Variants in TNKS observed in about 807,000 individuals in gnomAD.
TNKS encodes tankyrase.
TNKS carries 72 observed loss-of-function variants against 135.8 expected under a neutral mutation model. That is an observed-to-expected ratio of 0.53 (90% CI 0.44 to 0.64). TNKS has a LOEUF of 0.64. Among genes scored for constraint, TNKS ranks in the 30% least tolerant of loss-of-function variants. The probability of loss-of-function intolerance (pLI) is 0.00; values close to 1 mark genes in which losing one functional copy is unlikely to be tolerated. For synonymous variants in TNKS, 849 were observed against 649.3 expected (o/e 1.31, Z -4.68); for missense variants, 1,769 against 1,674.0 (o/e 1.06, Z -0.99).
In TNKS at chr8:9,615,633, C is replaced by G. The variant is rs1455139918; in HGVS notation, c.950C>G (p.Ser317Ter). ...DPNIRNTDGKSALDLADPSAK... is the reference protein window; with the variant it reads ...DPNIRNTDGK ...AACATTCGGAACACTGATGGGAAATCAGCCCTGGACCTGGCAGATCCTTCA... is the reference window on the plus strand; with the variant it reads ...AACATTCGGAACACTGATGGGAAATGAGCCCTGGACCTGGCAGATCCTTCA... Residue 317 changes from serine to a stop codon, truncating the protein, a stop_gained, in exon 3 of 27, where the codon TCA becomes TGA. Coordinates refer to ENST00000310430, the MANE Select transcript of TNKS (RefSeq NM_003747.3). LOFTEE classifies it high-confidence loss of function. 2.5e-6 allele frequency: 4 copies of G among 1,613,648 alleles called. No homozygotes were observed. The highest frequency in any genetic ancestry group is 2.5e-6 in the Non-Finnish European group (3 of 1,179,832).
intron 20 of TNKS, among the ~76,000 whole-genome samples, chr8:9,761,252 T>C (rs1324452385): frequency 1.3e-5 from 2 of 152,212 alleles, no homozygotes; most frequent in African/African-American, 4.8e-5. Context: ...AATATAGTGA[T>C]GATCATTTTG....
intron 3 of TNKS, among the ~76,000 whole-genome samples, chr8:9,644,903 A>G (rs1800860366): frequency 6.6e-6 from 1 of 152,158 alleles, no homozygotes; most frequent in Non-Finnish European, 1.5e-5. Flanking sequence ...TCAGCAGTTT[A>G]TTATAAAATA....
chr8:9,565,205 G>A (rs910453181), intron 1 of TNKS, among the ~76,000 whole-genome samples: 36 of 152,230 alleles, frequency 2.4e-4, no homozygotes, highest in African/African-American at 8.2e-4. Flanking sequence ...TTAAAGCAGC[G>A]TGAGGGTAAA....
chr8:9,556,728 A>C (rs1013380361), intron 1 of TNKS, 116 bp downstream of exon 1: 3 of 1,166,086 alleles, frequency 2.6e-6, no homozygotes, highest in Admixed American at 2.2e-5. Flanking sequence ...ATGGTTCTTC[A>C]TCACCTCACC....
chr8:9,626,274 C>T (rs1800049825), intron 3 of TNKS, among the ~76,000 whole-genome samples: 1 of 152,112 alleles, frequency 6.6e-6, no homozygotes, highest in Non-Finnish European at 1.5e-5. Flanking sequence ...TTACTTTCAA[C>T]CTGCCAATAT....
intron 26 of TNKS, among the ~76,000 whole-genome samples, chr8:9,771,556 GGAGAAAGCGAGA>G (rs1262643466): frequency 7.2e-6 from 1 of 137,988 alleles, no homozygotes; most frequent in Non-Finnish European, 1.6e-5. Context: ...AGGAAGCAAG[GGAGAAAGCGAGA>G]GAGGAAGGAA....
At chr8:9,590,491 T>C (rs1017174716) in intron 2 of TNKS, among the ~76,000 whole-genome samples, 3 of 152,208 alleles carry the variant, frequency 2.0e-5, no homozygotes, top group African/African-American at 7.2e-5. Flanking sequence ...ATTTACTTGT[T>C]TGTTTGCCAT....
chr8:9,668,586 A>T (rs1466336961), intron 3 of TNKS, among the ~76,000 whole-genome samples: 1 of 152,242 alleles, frequency 6.6e-6, no homozygotes, highest in Non-Finnish European at 1.5e-5. Context: ...GTAGTGTCAA[A>T]GCTAGGACTG....
At chr8:9,672,610 T>C (rs1458389802) in intron 3 of TNKS, among the ~76,000 whole-genome samples, 1 of 149,810 alleles carries the variant, frequency 6.7e-6, no homozygotes, top group East Asian at 1.9e-4. Flanking sequence ...GGAATTTACT[T>C]TTCCTGATTT....
intron 3 of TNKS, among the ~76,000 whole-genome samples, chr8:9,659,266 A>C (rs554308694): frequency 2.4e-4 from 37 of 152,346 alleles, no homozygotes; most frequent in African/African-American, 7.7e-4. Context: ...CTCCACCCCA[A>C]ATCAACAGAA....
intron 3 of TNKS, among the ~76,000 whole-genome samples, chr8:9,661,377 A>G (rs919089743): frequency 3.9e-5 from 6 of 152,258 alleles, no homozygotes; most frequent in African/African-American, 4.8e-5. Flanking sequence ...TACTGGTACC[A>G]AAACAGAGAT....
At chr8:9,654,762 G>T (rs1223825394) in intron 3 of TNKS, among the ~76,000 whole-genome samples, 1 of 152,140 alleles carries the variant, frequency 6.6e-6, no homozygotes, top group Non-Finnish European at 1.5e-5. Context: ...TATCTACTTG[G>T]GGGTGGAGCC....
intron 3 of TNKS, among the ~76,000 whole-genome samples, chr8:9,662,910 G>A (rs1256905882): frequency 6.6e-6 from 1 of 152,168 alleles, no homozygotes; most frequent in Non-Finnish European, 1.5e-5. Flanking sequence ...CCCAGAACCT[G>A]TAACTATGTT....
At chr8:9,565,606 A>G (rs1797494666) in intron 1 of TNKS, among the ~76,000 whole-genome samples, 1 of 152,048 alleles carries the variant, frequency 6.6e-6, no homozygotes, top group African/African-American at 2.4e-5. Context: ...CACGCCTGTA[A>G]TCCCAGCACT....
chr8:9,768,061 C>G (rs930832692), intron 25 of TNKS, among the ~76,000 whole-genome samples: 1 of 151,282 alleles, frequency 6.6e-6, no homozygotes, highest in African/African-American at 2.4e-5. Context: ...AAACCTAATT[C>G]CTCTGGAGAC....
At chr8:9,627,275 AC>A (rs1297698197) in intron 3 of TNKS, among the ~76,000 whole-genome samples, 1 of 152,248 alleles carries the variant, frequency 6.6e-6, no homozygotes, top group African/African-American at 2.4e-5. Flanking sequence ...TTTATAATAA[AC>A]CAGTAAATGT....
chr8:9,675,954 GT>G (rs139472827), intron 3 of TNKS, among the ~76,000 whole-genome samples: 4,611 of 150,438 alleles, frequency 0.031, 168 homozygotes, highest in African/African-American at 0.092. Flanking sequence ...AATGCAAAGT[GT>G]TACTGATAGG....
chr8:9,573,264 C>G (rs1244406446), intron 1 of TNKS, among the ~76,000 whole-genome samples: 1 of 152,078 alleles, frequency 6.6e-6, no homozygotes, highest in African/African-American at 2.4e-5. Context: ...GCCTCCAGAG[C>G]CAGAATAGGT....
At chr8:9,580,631 A>G (rs547007966) in intron 2 of TNKS, among the ~76,000 whole-genome samples, 1 of 152,272 alleles carries the variant, frequency 6.6e-6, no homozygotes, top group East Asian at 1.9e-4. Context: ...ATGGATTACT[A>G]TTGTCAAATT....
Sources: gnomAD v4.1 joint callset for allele counts (sites outside exome capture counted in the v4.1 genomes callset) on GRCh38, gnomAD v4.1.1 for gene constraint, MANE v1.5 for transcripts, NCBI Gene and HGNC (gene_info 2026-07-23, HGNC 2026-07-21) for gene names.